The following CCNH variants were observed in gnomAD, a reference collection of about 807,000 sequenced individuals.
CCNH encodes cyclin H.
In CCNH, 31 loss-of-function variants were observed where a neutral mutation model predicts 41.9. The observed-to-expected ratio is 0.74, with a 90% CI of 0.56 to 1.00. CCNH has a LOEUF of 1.00. CCNH is among the 50% of genes least tolerant of loss of function. The probability of loss-of-function intolerance (pLI) is 0.00; values close to 1 mark genes in which losing one functional copy is unlikely to be tolerated. For synonymous variants in CCNH, 138 were observed against 136.1 expected, an observed-to-expected ratio of 1.01 and a Z score of -0.10; for missense variants, 362 against 388.4, an observed-to-expected ratio of 0.93 and a Z score of 0.57.
At chr5:87,363,751 A>G (rs1760292954) in intron 9 of CCNH, among the ~76,000 whole-genome samples, 2 of 152,042 alleles carry the variant, frequency 1.3e-5, no homozygotes, top group Non-Finnish European at 2.9e-5. Flanking sequence ...CTGCCCCAAC[A>G]AGCAATCTTT....
chr5:87,372,978 T>A (rs1441157729), downstream of CCNH, among the ~76,000 whole-genome samples: 1 of 152,212 alleles, frequency 6.6e-6, no homozygotes, highest in Admixed American at 6.5e-5. Flanking sequence ...CAGGGAAATT[T>A]AAGTATACAC....
intron 9 of CCNH, among the ~76,000 whole-genome samples, chr5:87,351,391 G>GAATC (rs2112427149): frequency 6.6e-6 from 1 of 151,808 alleles, no homozygotes; most frequent in Admixed American, 6.6e-5. Context: ...AAATGCATGG[G>GAATC]AATCAATAAA....
At position 87,394,341 on chromosome 5, in the gene CCNH, AATAT is replaced by A; in HGVS notation, c.*101_*104del. On this transcript the variant is annotated 3_prime_UTR_variant, in exon 9 of 9. Transcript: ENST00000256897. Reference sequence around the variant, plus strand: ...GGAAAGAAAACAATAGAAAAGTTTTAATATATTTTATGTTTTCACATTATACTTT... The same window carrying A: ...GGAAAGAAAACAATAGAAAAGTTTTAATTTTATGTTTTCACATTATACTTT... 1 of 1,448,782 alleles carries A rather than the reference AATAT, an allele frequency of 6.9e-7. No homozygotes were observed. Among genetic ancestry groups the A allele is most frequent in the Non-Finnish European group, 9.1e-7 (1 of 1,093,424 alleles). The allele number at this position is 1,448,782 out of a possible 1,614,324, so 89.7% of individuals were successfully genotyped here.
At chr5:87,338,058 A>G (rs980756665) in intron 9 of CCNH, 2 of 1,612,278 alleles carry the variant, frequency 1.2e-6, no homozygotes, top group Admixed American at 1.7e-5. Flanking sequence ...CAGATGAACA[A>G]GGCCTTATTG....
intron 9 of CCNH, among the ~76,000 whole-genome samples, chr5:87,324,290 C>G (rs1174987669): frequency 6.6e-6 from 1 of 152,166 alleles, no homozygotes; most frequent in Non-Finnish European, 1.5e-5. Flanking sequence ...CCTTCCCTCC[C>G]TTTTCCTCCT....
At chr5:87,356,538 C>T (rs1759665526) in intron 9 of CCNH, among the ~76,000 whole-genome samples, 1 of 152,056 alleles carries the variant, frequency 6.6e-6, no homozygotes, top group African/African-American at 2.4e-5. Context: ...TGCAGGTGTA[C>T]ACCACCGTGC....
chr5:87,338,536 A>ATATATATTT lies in CCNH; in HGVS notation c.*91-19640_*91-19639insAAATATATA. Among the ~76,000 whole-genome samples, 16 of 85,210 alleles carry ATATATATTT rather than the reference A, an allele frequency of 1.9e-4. 1 individual carries two copies. Among genetic ancestry groups the ATATATATTT allele is most frequent in the Admixed American group, 2.6e-4 (2 of 7,714 alleles). 55.9% of individuals were successfully genotyped at this position (85,210 alleles called of 152,430 possible). A position where few individuals can be genotyped will look rare whatever the true frequency, so the allele number is the denominator to read the frequency against. On this transcript the variant is annotated intron_variant and NMD_transcript_variant, in intron 9 of 9. Transcript: ENST00000645953. ...ATATATATATATATATATATATAAA[A>ATATATATTT]TTTTTTTTTTTTTTAAGTAGAAATG...
intron 9 of CCNH, among the ~76,000 whole-genome samples, chr5:87,321,833 T>A (rs1276079202): frequency 6.6e-6 from 1 of 152,102 alleles, no homozygotes; most frequent in East Asian, 1.9e-4. Context: ...AGACCCCCCA[T>A]AGGACCCTCT....
downstream of CCNH, chr5:87,394,104 T>G (rs191966787): frequency 8.7e-5 from 24 of 276,372 alleles, no homozygotes; most frequent in Admixed American, 4.2e-4. Flanking sequence ...ACACATTCCT[T>G]AACACTTTTA....
At chr5:87,375,046 T>G, downstream of CCNH, 1 of 1,220,190 alleles carries the variant, frequency 8.2e-7, no homozygotes. Context: ...GATAGTTTCT[T>G]TCTGTACTTC....
chr5:87,350,408 A>T (rs1051548354), intron 9 of CCNH, among the ~76,000 whole-genome samples: 1 of 151,888 alleles, frequency 6.6e-6, no homozygotes, highest in Non-Finnish European at 1.5e-5. Flanking sequence ...GGAGATTTAG[A>T]ACATACAAAA....
intron 9 of CCNH, among the ~76,000 whole-genome samples, chr5:87,361,772 G>T (rs1374938355): frequency 1.3e-5 from 2 of 152,114 alleles, no homozygotes; most frequent in African/African-American, 4.8e-5. Context: ...GGTTAGGGGT[G>T]TTAACACTTA....
At chr5:87,332,276 G>A (rs1757661144) in intron 9 of CCNH, among the ~76,000 whole-genome samples, 1 of 151,994 alleles carries the variant, frequency 6.6e-6, no homozygotes, top group East Asian at 1.9e-4. Context: ...TGTAATTGAG[G>A]TTTATAAGCC....
intron 9 of CCNH, among the ~76,000 whole-genome samples, chr5:87,343,213 A>T (rs1410771027): frequency 6.6e-6 from 1 of 152,168 alleles, no homozygotes; most frequent in East Asian, 1.9e-4. Flanking sequence ...TATTTACATG[A>T]TATGGGCACC....
chr5:87,363,533 C>T lies in CCNH; in HGVS notation c.*90+29237G>A, dbSNP rs114609431. On this transcript the variant is annotated intron_variant and NMD_transcript_variant, in intron 9 of 9. Coordinates refer to the CCNH transcript ENST00000645953. ...AGAGACTGGTTTCCTATTTTTCTTT[C>T]GGAATTGTCTTAATAATAAAATAGT... 3.8e-4 allele frequency: 607 copies of T among 1,598,044 alleles called. 5 individuals carry two copies. The African/African-American group carries it at 7.0e-3, about 18-fold the overall frequency.
At chr5:87,358,029 C>G (rs560246622) in intron 9 of CCNH, among the ~76,000 whole-genome samples, 2 of 152,280 alleles carry the variant, frequency 1.3e-5, no homozygotes, top group East Asian at 3.9e-4. Flanking sequence ...ACTCATTCTT[C>G]AAGCAGGGTT....
intron 5 of CCNH, 79 bp from the exon 6 acceptor site, chr5:87,401,851 C>T (rs949071545): frequency 1.1e-5 from 9 of 836,736 alleles, no homozygotes; most frequent in Non-Finnish European, 1.6e-5. Flanking sequence ...TTATTTTCCT[C>T]CATCCTCATC....
chr5:87,401,786 G>C lies in CCNH; in HGVS notation c.690-14C>G, dbSNP rs192273082. 25 of 1,475,036 alleles carry C rather than the reference G, an allele frequency of 1.7e-5. No individual in the cohort carries two copies. Among genetic ancestry groups the C allele is most frequent in the Non-Finnish European group, 1.8e-6 (2 of 1,095,512 alleles). The allele number at this position is 1,475,036 out of a possible 1,614,324, so 91.4% of individuals were successfully genotyped here. On this transcript the variant is annotated splice_polypyrimidine_tract_variant and intron_variant, in intron 5 of 8. Transcript: ENST00000256897. ...TCTGATAAATAACTAGTAAAGAAAA[G>C]AAAAAAAAATCTATTGAAAACATAC...
At chr5:87,331,446 C>T in intron 9 of CCNH, 2 of 1,613,868 alleles carry the variant, frequency 1.2e-6, no homozygotes, top group African/African-American at 1.3e-5. Context: ...GATCGGAGGC[C>T]AGGGTCCTTT....
Sources: allele counts gnomAD v4.1 joint callset (sites outside exome capture counted in the v4.1 genomes callset), GRCh38; gene constraint gnomAD v4.1.1; transcripts MANE v1.5; gene names NCBI Gene and HGNC (gene_info 2026-07-23, HGNC 2026-07-21).